Variants in CACNA1C observed in about 807,000 individuals in gnomAD.
CACNA1C encodes the protein calcium voltage-gated channel subunit alpha1 C.
A neutral mutation model predicts 229.0 loss-of-function variants in CACNA1C; 30 were observed. The ratio of observed to expected loss-of-function variants is 0.13; its 90% CI spans 0.10 to 0.18. CACNA1C has a LOEUF of 0.18. Ranked by LOEUF, CACNA1C falls within the 10% of genes least tolerant of loss-of-function variation. The pLI is 1.00. For missense variants in CACNA1C, 1,658 were observed against 2,845.0 expected (o/e 0.58, Z 9.49); for synonymous variants, 1,114 against 1,132.5 (o/e 0.98, Z 0.33).
chr12:2,463,408 A>G (rs534568608), intron 5 of CACNA1C, among the ~76,000 whole-genome samples: 7 of 152,328 alleles, frequency 4.6e-5, no homozygotes, highest in African/African-American at 1.4e-4. Context: ...GTCAGATGCT[A>G]AGTGTGTTCT....
intron 3 of CACNA1C, among the ~76,000 whole-genome samples, chr12:2,151,026 G>C (rs962349554): frequency 4.1e-4 from 63 of 152,160 alleles, no homozygotes; most frequent in Admixed American, 3.9e-3. Flanking sequence ...CTGTTGGTCT[G>C]TCTGTGGCAA....
chr12:2,392,499 G>A (rs919716460), intron 3 of CACNA1C, among the ~76,000 whole-genome samples: 20 of 152,096 alleles, frequency 1.3e-4, no homozygotes, highest in African/African-American at 4.8e-4. Flanking sequence ...CCAGCCCCTC[G>A]CATGCATCCA....
At chr12:2,091,205 G>T (rs1595594302) in intron 1 of CACNA1C, among the ~76,000 whole-genome samples, 2 of 152,124 alleles carry the variant, frequency 1.3e-5, no homozygotes, top group Non-Finnish European at 2.9e-5. Flanking sequence ...AAGTATGCGG[G>T]TTACTTGTCC....
At chr12:2,331,298 C>G (rs7295089) in intron 3 of CACNA1C, among the ~76,000 whole-genome samples, 1 of 152,000 alleles carries the variant, frequency 6.6e-6, no homozygotes, top group Admixed American at 6.5e-5. Flanking sequence ...GTACATATCC[C>G]AACTCGAGAG....
At chr12:2,688,319 A>G in intron 45 of CACNA1C, 128 bp from the exon 46 acceptor site, 1 of 786,346 alleles carries the variant, frequency 1.3e-6, no homozygotes, top group East Asian at 2.6e-5. Flanking sequence ...AAATAATGGC[A>G]TGGGAATACC....
rs1486696145 is a variant in CACNA1C at position 2,164,891 on chromosome 12, G to A, written c.477+44461G>A. ...AGCTCACTCAATGGTGGCAGTCATC[G>A]TCATTGAAGTGGGGAGGGGAAAGAA... On this transcript the variant is annotated intron_variant, in intron 3 of 46. Transcript: ENST00000399655. Among the ~76,000 whole-genome samples, 9 of 152,210 alleles carry A rather than the reference G, an allele frequency of 5.9e-5. No homozygotes were observed. In the South Asian group the frequency reaches 6.2e-4, roughly 11 times the overall value.
intron 3 of CACNA1C, among the ~76,000 whole-genome samples, chr12:2,131,811 G>C (rs1397173900): frequency 0.019 from 2,692 of 142,262 alleles, 62 homozygotes; most frequent in African/African-American, 0.061. Flanking sequence ...TCCATATGAA[G>C]TTTAAAGTAG....
At chr12:2,620,643 T>A (rs944710764) in intron 29 of CACNA1C, among the ~76,000 whole-genome samples, 1 of 152,204 alleles carries the variant, frequency 6.6e-6, no homozygotes, top group Non-Finnish European at 1.5e-5. Context: ...CAAATCTGAG[T>A]TGACAAGCAC....
intron 3 of CACNA1C, among the ~76,000 whole-genome samples, chr12:2,300,941 G>A (rs140767895): frequency 2.6e-5 from 4 of 152,326 alleles, no homozygotes; most frequent in East Asian, 3.9e-4. Context: ...TGGGGATGAC[G>A]AGCAGCTGCC....
chr12:2,460,876 G>T (rs1488280256), intron 5 of CACNA1C, among the ~76,000 whole-genome samples: 1 of 152,156 alleles, frequency 6.6e-6, no homozygotes, highest in African/African-American at 2.4e-5. Flanking sequence ...GCCCTTTCTT[G>T]CTGGAATAGT....
intron 1 of CACNA1C, among the ~76,000 whole-genome samples, chr12:1,983,524 G>A (rs1340065787): frequency 1.3e-5 from 2 of 151,858 alleles, no homozygotes; most frequent in African/African-American, 2.4e-5. Context: ...AATATTTGGG[G>A]ATATTCCAGA....
At chr12:2,259,534 T>C (rs1488950164) in intron 3 of CACNA1C, among the ~76,000 whole-genome samples, 1 of 152,130 alleles carries the variant, frequency 6.6e-6, no homozygotes, top group Non-Finnish European at 1.5e-5. Flanking sequence ...AAGGGGGAGC[T>C]AAGAGCAGGG....
chr12:2,534,561 G>C (rs944636788), intron 9 of CACNA1C, among the ~76,000 whole-genome samples: 11 of 152,116 alleles, frequency 7.2e-5, no homozygotes, highest in Admixed American at 7.2e-4. Context: ...CCAAGGCAAA[G>C]AAATCTTAGA....
chr12:2,643,711 C>T (rs1283076627), intron 30 of CACNA1C, among the ~76,000 whole-genome samples: 1 of 152,074 alleles, frequency 6.6e-6, no homozygotes, highest in East Asian at 1.9e-4. Flanking sequence ...TCGTGAGGAT[C>T]CCCCCACACA....
intron 7 of CACNA1C, among the ~76,000 whole-genome samples, chr12:2,497,090 C>T (rs1295684215): frequency 2.0e-5 from 3 of 152,144 alleles, no homozygotes; most frequent in African/African-American, 7.2e-5. Flanking sequence ...TAGCCTTTTG[C>T]ACATCATTCA....
At position 2,053,165 on chromosome 12, in the gene CACNA1C, G is replaced by A. The variant is rs2052803561; in HGVS notation, c.-398G>A. ...GGAGGACTCGCTGGGAGTGGGCAGA[G>A]GCGCCTCGGCCCCTGCCGGCCCAGG... On this transcript the variant is annotated 5_prime_UTR_variant, in exon 1 of 47. Coordinates refer to ENST00000399655, the MANE Select transcript of CACNA1C (RefSeq NM_000719.7). This position sits in a 1 kb window ranked among gnomAD's most constrained non-coding sequence, Gnocchi z 5.8. 2 of 991,970 alleles carry A rather than the reference G, an allele frequency of 2.0e-6. No individual in the cohort carries two copies. The highest frequency in any genetic ancestry group is 6.1e-5 in the Admixed American group (1 of 16,372). 61.4% of individuals were successfully genotyped at this position (991,970 alleles called of 1,614,324 possible).
At chr12:2,448,851 A>G (rs1457450202) in intron 3 of CACNA1C, 125 bp from the exon 4 acceptor site, 5 of 733,862 alleles carry the variant, frequency 6.8e-6, no homozygotes, top group Non-Finnish European at 1.1e-5. Context: ...GGGTGTCCCC[A>G]CTTGGTTCCA....
chr12:2,632,585 C>T lies in CACNA1C; in HGVS notation c.3829-1712C>T, dbSNP rs748810253. Among the ~76,000 whole-genome samples, 2 of 152,186 alleles carry T rather than the reference C, an allele frequency of 1.3e-5. No individual in the cohort carries two copies. The highest frequency in any genetic ancestry group is 2.9e-5 in the Non-Finnish European group (2 of 68,036). On this transcript the variant is annotated intron_variant, in intron 29 of 46. Coordinates refer to ENST00000399655, the MANE Select transcript of CACNA1C (RefSeq NM_000719.7). This position sits in a 1 kb window ranked among gnomAD's most constrained non-coding sequence, Gnocchi z 4.1. Reference sequence around the variant, plus strand: ...AAACATGGTGAAAAATAAACAAAATCCATAGCTACAGAATCAAGTGGTAAA... The same window carrying T: ...AAACATGGTGAAAAATAAACAAAATTCATAGCTACAGAATCAAGTGGTAAA...
chr12:2,159,714 C>T (rs1181427236), intron 3 of CACNA1C, among the ~76,000 whole-genome samples: 1 of 151,602 alleles, frequency 6.6e-6, no homozygotes, highest in African/African-American at 2.4e-5. Flanking sequence ...AAGCAATTCT[C>T]CTGCCTCAAC....
Sources: allele counts gnomAD v4.1 joint callset (sites outside exome capture counted in the v4.1 genomes callset), GRCh38; gene constraint gnomAD v4.1.1; non-coding constraint Gnocchi (gnomAD v3.1); transcripts MANE v1.5; gene names NCBI Gene and HGNC (gene_info 2026-07-23, HGNC 2026-07-21).